The following FAM135B variants were observed in gnomAD, a reference collection of about 807,000 sequenced individuals.
The protein encoded by FAM135B is protein FAM135B.
In FAM135B, 43 loss-of-function variants were observed where a neutral mutation model predicts 127.7. The ratio of observed to expected loss-of-function variants is 0.34; its 90% CI spans 0.26 to 0.43. The LOEUF (loss-of-function observed/expected upper bound fraction) is 0.43. FAM135B is among the 20% of genes least tolerant of loss of function. The pLI is 1.00. For synonymous variants in FAM135B, 670 were observed against 665.1 expected (o/e 1.01, Z -0.11); for missense variants, 1,558 against 1,725.6 (o/e 0.90, Z 1.72).
chr8:138,212,090 CAAT>C (rs1270641837), intron 7 of FAM135B, among the ~76,000 whole-genome samples: 1 of 151,656 alleles, frequency 6.6e-6, no homozygotes, highest in East Asian at 1.9e-4. Context: ...AATAAAATAG[CAAT>C]AATAATAGCA....
intron 9 of FAM135B, among the ~76,000 whole-genome samples, chr8:138,184,513 C>T (rs961058077): frequency 5.3e-5 from 8 of 152,176 alleles, no homozygotes; most frequent in African/African-American, 1.9e-4. Context: ...GAAGAGTGAT[C>T]CTGACATGTG....
At position 138,152,039 on chromosome 8, in the gene FAM135B, G is replaced by T. The variant is rs2130753492; in HGVS notation, c.2436C>A (p.Cys812Ter). ...HSKSQGSPGS[C>*]SQLCGDSGTD... ...TTCCAGAGTCACCACAAAGTTGAGA[G>T]CAAGATCCTGGGGAACCTTGGCTCT... The change falls in exon 13 of 20, where the codon TGC becomes TGA. Residue 812 changes from cysteine (C) to a stop codon, truncating the protein, a stop_gained. Transcript: ENST00000395297. LOFTEE classifies it high-confidence loss of function. 1.2e-6 allele frequency: 2 copies of T among 1,614,062 alleles called. No homozygotes were observed. Among genetic ancestry groups the T allele is most frequent in the Non-Finnish European group, 1.7e-6 (2 of 1,180,032 alleles).
intron 2 of FAM135B, among the ~76,000 whole-genome samples, chr8:138,345,067 T>C (rs1312716851): frequency 6.6e-6 from 1 of 152,148 alleles, no homozygotes; most frequent in Non-Finnish European, 1.5e-5. Context: ...AGCAATGCAG[T>C]TGACAATAAA....
At chr8:138,375,770 C>T (rs1396954543) in intron 1 of FAM135B, among the ~76,000 whole-genome samples, 1 of 152,108 alleles carries the variant, frequency 6.6e-6, no homozygotes, top group African/African-American at 2.4e-5. Flanking sequence ...TATTCAAAGA[C>T]ATTCAAAACT....
chr8:138,271,871 G>A (rs1203231678), intron 3 of FAM135B, among the ~76,000 whole-genome samples: 2 of 152,068 alleles, frequency 1.3e-5, no homozygotes, highest in Non-Finnish European at 1.5e-5. Flanking sequence ...GATACTTTAT[G>A]TTCCTTACAT....
intron 9 of FAM135B, among the ~76,000 whole-genome samples, chr8:138,182,170 A>G (rs1815110486): frequency 1.3e-5 from 2 of 152,346 alleles, no homozygotes; most frequent in South Asian, 4.1e-4. Context: ...AAGAAAAGCT[A>G]TTCATTAAAT....
chr8:138,472,494 G>A (rs1453264612), intron 1 of FAM135B, among the ~76,000 whole-genome samples: 2 of 152,152 alleles, frequency 1.3e-5, no homozygotes, highest in Non-Finnish European at 2.9e-5. Flanking sequence ...TTTCCCTAGT[G>A]CAGGAAGTGA....
intron 19 of FAM135B, 51 bp downstream of exon 19, chr8:138,137,096 T>A (rs777739383): frequency 6.3e-6 from 6 of 949,042 alleles, no homozygotes; most frequent in Non-Finnish European, 1.0e-5. Flanking sequence ...ATGAATTTAC[T>A]TTTGCTTTTC....
chr8:138,472,109 A>G (rs981226822), intron 1 of FAM135B, among the ~76,000 whole-genome samples: 1 of 152,184 alleles, frequency 6.6e-6, no homozygotes, highest in Non-Finnish European at 1.5e-5. Context: ...CCTTGTCAAG[A>G]CTGGGTGTGC....
intron 2 of FAM135B, among the ~76,000 whole-genome samples, chr8:138,321,868 G>A (rs1827476729): frequency 6.6e-6 from 1 of 152,136 alleles, no homozygotes; most frequent in East Asian, 1.9e-4. Context: ...CCCAAGTGTC[G>A]AGGTCCCTGT....
Position 138,160,828 on chromosome 8 carries a change from G to A in FAM135B, c.1258+7067C>T, listed in dbSNP as rs537368501. 3.7e-5 allele frequency among the ~76,000 whole-genome samples: 3 copies of A among 81,900 alleles called. No individual in the cohort carries two copies. In the East Asian group the frequency reaches 1.3e-3, roughly 37 times the overall value. The allele number at this position is 81,900 out of a possible 152,430, so 53.7% of individuals were successfully genotyped here. A position where few individuals can be genotyped will look rare whatever the true frequency, so the allele number is the denominator to read the frequency against. On this transcript the variant is annotated intron_variant, in intron 12 of 19. Coordinates refer to ENST00000395297, the MANE Select transcript of FAM135B (RefSeq NM_015912.4). ...GCTGTCAAAACCTGTCATCCATTAA[G>A]TTTTAACTTATCAAAGTATGTGTAA...
chr8:138,251,862 G>A (rs775472308), intron 5 of FAM135B, among the ~76,000 whole-genome samples: 3 of 152,186 alleles, frequency 2.0e-5, no homozygotes, highest in Non-Finnish European at 4.4e-5. Context: ...AACCTGGGAG[G>A]AGCATCTTTC....
chr8:138,325,893 T>A (rs1449284265), intron 2 of FAM135B, among the ~76,000 whole-genome samples: 1 of 152,198 alleles, frequency 6.6e-6, no homozygotes, highest in African/African-American at 2.4e-5. Flanking sequence ...AATCAATGTG[T>A]GTATAGCAAA....
At position 138,469,691 on chromosome 8, in the gene FAM135B, A is replaced by G. The variant is rs112285887; in HGVS notation, c.-20+26980T>C. On this transcript the variant is annotated intron_variant, in intron 1 of 19. Transcript: ENST00000395297. ...GCAGGTGGCATAGCAGGACAAATAC[A>G]AGATTAGAAAGAAGATACAACTTCT... Among the ~76,000 whole-genome samples, 219 of 152,350 alleles carry G rather than the reference A, an allele frequency of 1.4e-3. 3 individuals carry two copies. The highest frequency in any genetic ancestry group is 4.5e-3 in the African/African-American group (186 of 41,582).
intron 3 of FAM135B, among the ~76,000 whole-genome samples, chr8:138,284,933 A>G (rs952523110): frequency 5.9e-5 from 9 of 152,148 alleles, no homozygotes; most frequent in Admixed American, 5.9e-4. Context: ...TGCTCAACAG[A>G]TATTGGCTGA....
chr8:138,420,175 C>T (rs527380356), intron 1 of FAM135B, among the ~76,000 whole-genome samples: 3 of 149,744 alleles, frequency 2.0e-5, no homozygotes, highest in South Asian at 2.2e-4. Flanking sequence ...ACTGACCCAA[C>T]AGGAATACAG....
At chr8:138,272,470 CAACTA>C (rs966041613) in intron 3 of FAM135B, among the ~76,000 whole-genome samples, 1 of 152,144 alleles carries the variant, frequency 6.6e-6, no homozygotes, top group Non-Finnish European at 1.5e-5. Context: ...TGTAAGAGGG[CAACTA>C]AACTAAAGAG....
intron 2 of FAM135B, among the ~76,000 whole-genome samples, chr8:138,330,525 T>A (rs1356785782): frequency 6.6e-6 from 1 of 152,146 alleles, no homozygotes; most frequent in Non-Finnish European, 1.5e-5. Flanking sequence ...CTACCAAGCA[T>A]GGAATCACTG....
In FAM135B at chr8:138,466,619, A is replaced by C. The variant is rs1156326575; in HGVS notation, c.-20+30052T>G. Among the ~76,000 whole-genome samples, 6 of 152,212 alleles carry C rather than the reference A, an allele frequency of 3.9e-5. 1 individual carries two copies. The highest frequency in any genetic ancestry group is 1.4e-4 in the African/African-American group (6 of 41,452). ...AATTCATGACTGAACAACCGAATTT[A>C]AATAAGAATGACGTTGTGTCTTACA... On this transcript the variant is annotated intron_variant, in intron 1 of 19. Transcript: ENST00000395297.
Sources: gnomAD v4.1 joint callset for allele counts (sites outside exome capture counted in the v4.1 genomes callset) on GRCh38, gnomAD v4.1.1 for gene constraint, MANE v1.5 for transcripts, NCBI Gene and HGNC (gene_info 2026-07-23, HGNC 2026-07-21) for gene names.